The following ARRDC1 variants were observed in gnomAD, a reference collection of about 807,000 sequenced individuals.
ARRDC1 encodes the protein arrestin domain containing 1, also known as arrestin domain-containing protein 1.
In ARRDC1, 37 loss-of-function variants were observed where a neutral mutation model predicts 40.1. The observed-to-expected ratio is 0.92, with a 90% CI of 0.71 to 1.21. ARRDC1 has a LOEUF of 1.21. ARRDC1 is among the 50% of genes most tolerant of loss of function. The probability of loss-of-function intolerance (pLI) is 0.00; values close to 1 mark genes in which losing one functional copy is unlikely to be tolerated. For synonymous variants in ARRDC1, 310 were observed against 262.5 expected, an observed-to-expected ratio of 1.18 and a Z score of -1.75; for missense variants, 641 against 581.9, an observed-to-expected ratio of 1.10 and a Z score of -1.04.
chr9:137,614,655 G>A lies in ARRDC1; in HGVS notation c.892G>A (p.Gly298Arg). The A allele has an allele frequency of 6.2e-7, 1 of 1,612,814 alleles. No individual in the cohort carries two copies. The highest frequency in any genetic ancestry group is 8.5e-7 in the Non-Finnish European group (1 of 1,179,860). Residue 298 changes from glycine to arginine, a missense_variant, in exon 7 of 8, where the codon GGG becomes AGG. Physicochemically the swap from Gly to Arg is moderately radical, Grantham distance 125. Coordinates refer to ENST00000371421, the MANE Select transcript of ARRDC1 (RefSeq NM_152285.4). The stretch of plus-strand genomic sequence containing the variant: ...CCCAGTGAGCCCCCGGCCAGGCCTG[G>A]GGCTGCCTCCTGGGGCCCCACCCCT... ...HAPVSPRPGL[G>R]LPPGAPPLVV...
chr9:137,608,528 G>A (rs1842461516), intron 1 of ARRDC1, among the ~76,000 whole-genome samples: 1 of 152,228 alleles, frequency 6.6e-6, no homozygotes, highest in African/African-American at 2.4e-5. Context: ...GAGCGGGGTC[G>A]TATGCCGCCA....
rs761485602 is a variant in ARRDC1 at position 137,605,703 on chromosome 9, C to T, written c.-15C>T. The T allele has an allele frequency of 1.3e-5, 18 of 1,345,698 alleles. No individual in the cohort carries two copies. The highest frequency in any genetic ancestry group is 5.1e-5 in the South Asian group (3 of 58,412). The allele number at this position is 1,345,698 out of a possible 1,614,324, so 83.4% of individuals were successfully genotyped here. A position where few individuals can be genotyped will look rare whatever the true frequency, so the allele number is the denominator to read the frequency against. On this transcript the variant is annotated 5_prime_UTR_variant, in exon 1 of 8. Transcript: ENST00000371421. Reference sequence around the variant, plus strand: ...GCGGGGGCGTCGCTGCGCGGCTGGCCGGTGAGGCCGCGGCATGGGGCGAGT... The same window carrying T: ...GCGGGGGCGTCGCTGCGCGGCTGGCTGGTGAGGCCGCGGCATGGGGCGAGT...
At chr9:137,613,885 C>T in intron 4 of ARRDC1, 116 bp downstream of exon 4, 1 of 1,535,288 alleles carries the variant, frequency 6.5e-7, no homozygotes, top group Non-Finnish European at 8.9e-7. Context: ...TGAGGGGGGC[C>T]AGGGTCTGGA....
chr9:137,612,155 G>A (rs1462899900), intron 1 of ARRDC1: 1 of 152,362 alleles, frequency 6.6e-6, no homozygotes, highest in Non-Finnish European at 1.5e-5. Flanking sequence ...GCTTCTGCTG[G>A]ACCTGATTGT....
chr9:137,615,227 G>A lies in ARRDC1; in HGVS notation c.*89G>A. On this transcript the variant is annotated 3_prime_UTR_variant, in exon 8 of 8. Transcript: ENST00000371421. ...GTGCCTTCTCTCTTGGCCTAGCCTG[G>A]CCCACTCAGGACCTGCCCAGCCTCT... 2 of 1,263,354 alleles carry A rather than the reference G, an allele frequency of 1.6e-6. No individual in the cohort carries two copies. The highest frequency in any genetic ancestry group is 2.7e-5 in the East Asian group (1 of 37,612). The allele number at this position is 1,263,354 out of a possible 1,614,324, so 78.3% of individuals were successfully genotyped here. A position where few individuals can be genotyped will look rare whatever the true frequency, so the allele number is the denominator to read the frequency against.
intron 1 of ARRDC1, among the ~76,000 whole-genome samples, chr9:137,610,768 G>T (rs376057304): frequency 6.6e-6 from 1 of 152,132 alleles, no homozygotes; most frequent in African/African-American, 2.4e-5. Context: ...TCTCCATGTC[G>T]GTCAGGCTGG....
chr9:137,606,112 A>G (rs1842418660), intron 1 of ARRDC1, among the ~76,000 whole-genome samples: 1 of 150,578 alleles, frequency 6.6e-6, no homozygotes, highest in Non-Finnish European at 1.5e-5. Context: ...GGGCGCACGC[A>G]GGCCTGCGAC....
intron 4 of ARRDC1, 55 bp downstream of exon 4, chr9:137,613,824 G>A (rs1022639182): frequency 1.2e-6 from 2 of 1,601,458 alleles, no homozygotes; most frequent in Non-Finnish European, 1.7e-6. Flanking sequence ...GGAGGCTGGG[G>A]AAGAGCTGGG....
rs1225604025 is a variant in ARRDC1, at chr9:137,605,809, G to A, written c.92G>A (p.Arg31His). The change falls in exon 1 of 8, where the codon CGC becomes CAC. Residue 31 changes from arginine (R) to histidine (H), a missense_variant. Transcript: ENST00000371421. ...CCGTTGGCTGGGACCGTGCGCGTGC[G>A]CCTGGGGGCACCGCTGCCGTTCCGA... ...GEPLAGTVRVRLGAPLPFRAI... is the reference protein window; with the variant it reads ...GEPLAGTVRVHLGAPLPFRAI... The A allele has an allele frequency of 7.8e-7, 1 of 1,283,754 alleles. No individual in the cohort carries two copies. The highest frequency in any genetic ancestry group is 9.8e-7 in the Non-Finnish European group (1 of 1,015,776). The allele number at this position is 1,283,754 out of a possible 1,614,324, so 79.5% of individuals were successfully genotyped here. A position where few individuals can be genotyped will look rare whatever the true frequency, so the allele number is the denominator to read the frequency against.
intron 1 of ARRDC1, 45 bp from the exon 2 acceptor site, chr9:137,612,851 T>A (rs572476473): frequency 1.3e-6 from 2 of 1,500,326 alleles, no homozygotes; most frequent in Non-Finnish European, 1.8e-6. Flanking sequence ...AGCAGGGGCC[T>A]GGGCCGTCGG....
At chr9:137,608,228 G>C (rs1046307144) in intron 1 of ARRDC1, among the ~76,000 whole-genome samples, 1 of 152,180 alleles carries the variant, frequency 6.6e-6, no homozygotes, top group African/African-American at 2.4e-5. Flanking sequence ...TGATCCGCCC[G>C]CCTCGGCCTC....
intron 1 of ARRDC1, among the ~76,000 whole-genome samples, chr9:137,609,914 C>T (rs1483907921): frequency 2.0e-5 from 3 of 151,818 alleles, no homozygotes; most frequent in Non-Finnish European, 2.9e-5. Flanking sequence ...TCCGGGTTCA[C>T]GCCATTCTCC....
chr9:137,612,818 G>GT, intron 1 of ARRDC1, 78 bp from the exon 2 acceptor site: 1 of 1,163,656 alleles, frequency 8.6e-7, no homozygotes, highest in South Asian at 1.3e-5. Flanking sequence ...TTGGCCCCAG[G>GT]TCGAATTCCT....
Position 137,614,598 on chromosome 9 carries a change from G to A in ARRDC1, c.835G>A (p.Val279Ile), listed in dbSNP as rs1487993485. ...KAPEATVTLPVFIGNIAVNHA... is the reference protein window; with the variant it reads ...KAPEATVTLPIFIGNIAVNHA... ...GCCGGAAGCTACTGTGACCCTCCCG[G>A]TCTTCATTGGCAATATTGCTGTGAA... The change falls in exon 7 of 8, where the codon GTC becomes ATC. Residue 279 changes from valine (V) to isoleucine (I), a missense_variant. By Grantham distance (29) the Val-to-Ile change is conservative. Transcript: ENST00000371421. 6.2e-7 allele frequency: 1 copy of A among 1,612,846 alleles called. No individual in the cohort carries two copies. Among genetic ancestry groups the A allele is most frequent in the African/African-American group, 1.3e-5 (1 of 74,896 alleles).
intron 1 of ARRDC1, among the ~76,000 whole-genome samples, chr9:137,608,036 G>A (rs1460969979): frequency 2.0e-5 from 3 of 152,164 alleles, no homozygotes; most frequent in Non-Finnish European, 4.4e-5. Flanking sequence ...AGGCTGGAGT[G>A]TGCCGGCGCG....
intron 1 of ARRDC1, among the ~76,000 whole-genome samples, chr9:137,607,922 G>T (rs555585292): frequency 3.9e-5 from 6 of 152,348 alleles, no homozygotes; most frequent in African/African-American, 1.4e-4. Flanking sequence ...GAGGCCTGCA[G>T]CCTCCAGCAG....
chr9:137,611,557 C>T (rs1378885037), intron 1 of ARRDC1: 1 of 152,016 alleles, frequency 6.6e-6, no homozygotes, highest in East Asian at 1.9e-4. Context: ...GAGACCGTGT[C>T]TCAAAAACAA....
intron 1 of ARRDC1, chr9:137,612,045 G>T (rs1251292881): frequency 6.6e-6 from 1 of 152,524 alleles, no homozygotes; most frequent in Non-Finnish European, 1.5e-5. Context: ...GAGAAGAGGG[G>T]CTGGAGGTGC....
At chr9:137,605,981 G>A in intron 1 of ARRDC1, 146 bp downstream of exon 1, 1 of 416,624 alleles carries the variant, frequency 2.4e-6, no homozygotes. Context: ...GGGCTCGGCG[G>A]CGCCGGGGAG....
Sources: gnomAD v4.1 joint callset for allele counts (sites outside exome capture counted in the v4.1 genomes callset) on GRCh38, gnomAD v4.1.1 for gene constraint, MANE v1.5 for transcripts, NCBI Gene and HGNC (gene_info 2026-07-23, HGNC 2026-07-21) for gene names.